ATAD2B: variants seen among roughly 807,000 people sequenced by gnomAD.
ATAD2B encodes the protein ATPase family AAA domain-containing protein 2B.
Under a neutral mutation model 167.6 loss-of-function variants are expected in ATAD2B, and 40 were observed. That is an observed-to-expected ratio of 0.24 (90% CI 0.19 to 0.31). The LOEUF is 0.31. Among genes scored for constraint, ATAD2B ranks in the 10% least tolerant of loss-of-function variants. The pLI, the probability that ATAD2B is intolerant of heterozygous loss-of-function variation, is 1.00. For synonymous variants in ATAD2B, 579 were observed against 596.5 expected (o/e 0.97, Z 0.43); for missense variants, 1,242 against 1,757.2 (o/e 0.71, Z 5.24).
In ATAD2B at chr2:23,861,455, C is replaced by A. The variant is rs113677398; in HGVS notation, c.1479+1926G>T. Among the ~76,000 whole-genome samples, 241 of 146,484 alleles carry A rather than the reference C, an allele frequency of 1.6e-3. 2 individuals are homozygous for A. The highest frequency in any genetic ancestry group is 5.8e-3 in the African/African-American group (232 of 39,828). ...TTTAGTGCATAGACCATATCCTTAA[C>A]TTAGGAATGCAGAATCTTTCATTAA... On this transcript the variant is annotated intron_variant, in intron 12 of 27. Coordinates refer to ENST00000238789, the MANE Select transcript of ATAD2B (RefSeq NM_017552.4).
At chr2:23,875,276 G>C (rs1399799457) in intron 8 of ATAD2B, among the ~76,000 whole-genome samples, 3 of 151,868 alleles carry the variant, frequency 2.0e-5, no homozygotes, top group Admixed American at 2.0e-4. Context: ...CCAAGGCAGG[G>C]GGTTCACAAG....
At position 23,783,059 on chromosome 2, in the gene ATAD2B, C is replaced by T. The variant is rs756515574; in HGVS notation, c.2974-31G>A. ...ACAGATATTTTAATAAAAATTACTT[C>T]CAGTTTTTCACATCATCTCAGTTCA... On this transcript the variant is annotated intron_variant, in intron 21 of 27. Transcript: ENST00000238789. 9 of 1,268,756 alleles carry T rather than the reference C, an allele frequency of 7.1e-6. No individual in the cohort carries two copies. The South Asian group carries it at 1.5e-4, about 22-fold the overall frequency. The allele number at this position is 1,268,756 out of a possible 1,614,324, so 78.6% of individuals were successfully genotyped here.
chr2:23,706,740 G>A, the ATAD2B span: 14 of 1,117,056 alleles, frequency 1.3e-5, 1 homozygote, highest in South Asian at 5.7e-5. Flanking sequence ...ATTTTCCAGC[G>A]ACACCAACAA....
In ATAD2B at chr2:23,865,437, G is replaced by T. The variant is rs937750222; in HGVS notation, c.1189-513C>A. Among the ~76,000 whole-genome samples the T allele has an allele frequency of 2.0e-5, 3 of 151,610 alleles. No individual in the cohort carries two copies. In the East Asian group the frequency reaches 5.8e-4, roughly 29 times the overall value. On this transcript the variant is annotated intron_variant, in intron 10 of 27. Transcript: ENST00000238789. ...CCAGCTACTTGGGAGGCTGAGGCAGGAGAATAGCTTGATCCTGGGAGGCGG... is the reference window on the plus strand; with the variant it reads ...CCAGCTACTTGGGAGGCTGAGGCAGTAGAATAGCTTGATCCTGGGAGGCGG...
chr2:23,758,150 C>A (rs1372424266), intron 24 of ATAD2B, 49 bp from the exon 25 acceptor site: 1 of 1,383,666 alleles, frequency 7.2e-7, no homozygotes, highest in Non-Finnish European at 9.7e-7. Flanking sequence ...GAATGCAATA[C>A]CAATTTTACA....
At chr2:23,717,275 G>A in the ATAD2B span, among the ~76,000 whole-genome samples, 1 of 152,138 alleles carries the variant, frequency 6.6e-6, no homozygotes, top group Non-Finnish European at 1.5e-5. Flanking sequence ...GGAATGCACA[G>A]GGGCCATGCT....
chr2:23,871,978 C>T (rs1573158195), intron 8 of ATAD2B, among the ~76,000 whole-genome samples: 2 of 152,010 alleles, frequency 1.3e-5, no homozygotes, highest in African/African-American at 2.4e-5. Flanking sequence ...CCTGGGTTCA[C>T]GCGATTCTCC....
At chr2:23,869,515 T>C in intron 9 of ATAD2B, 148 bp downstream of exon 9, 2 of 614,400 alleles carry the variant, frequency 3.3e-6, no homozygotes, top group Non-Finnish European at 5.7e-6. Context: ...AGATTTTTAT[T>C]GAAAGAAAAG....
At chr2:23,736,724 C>T in the ATAD2B span, among the ~76,000 whole-genome samples, 7 of 152,060 alleles carry the variant, frequency 4.6e-5, no homozygotes, top group African/African-American at 9.7e-5. Context: ...CTACCGTGCG[C>T]GAGCCGAAGC....
chr2:23,882,824 CA>C (rs201054446), intron 6 of ATAD2B, among the ~76,000 whole-genome samples: 3,941 of 113,354 alleles, frequency 0.035, 64 homozygotes, highest in Middle Eastern at 0.12. Flanking sequence ...ACAACAACAA[CA>C]AAAAAAAAAA....
intron 16 of ATAD2B, among the ~76,000 whole-genome samples, chr2:23,821,896 C>T (rs2149643442): frequency 6.6e-6 from 1 of 152,186 alleles, no homozygotes; most frequent in East Asian, 1.9e-4. Context: ...TCAGGTGATC[C>T]ACCCGCCTTG....
chr2:23,913,798 C>T (rs1702640159), intron 1 of ATAD2B, among the ~76,000 whole-genome samples: 1 of 152,048 alleles, frequency 6.6e-6, no homozygotes, highest in African/African-American at 2.4e-5. Flanking sequence ...TAACTCAAAA[C>T]CATAGTATGA....
chr2:23,798,366 T>C (rs1358541245), intron 18 of ATAD2B, 43 bp from the exon 19 acceptor site: 9 of 1,435,302 alleles, frequency 6.3e-6, no homozygotes, highest in Non-Finnish European at 8.6e-6. Context: ...TCAAATTGAT[T>C]ATTCTAAAGT....
At chr2:23,852,336 G>C (rs1476251814) in intron 13 of ATAD2B, among the ~76,000 whole-genome samples, 1 of 151,762 alleles carries the variant, frequency 6.6e-6, no homozygotes, top group Non-Finnish European at 1.5e-5. Flanking sequence ...TGTTGCCCAG[G>C]CTGCTCTTGC....
chr2:23,808,115 A>ATATAATTATATATATAAGTAATTATATC, intron 18 of ATAD2B, among the ~76,000 whole-genome samples: 1 of 120,678 alleles, frequency 8.3e-6, no homozygotes, highest in Admixed American at 9.0e-5. Context: ...GTAATTATAT[A>ATATAATTATATATATAAGTAATTATATC]TATAATTATT....
intron 17 of ATAD2B, chr2:23,811,600 G>A (rs1471582824): frequency 6.6e-6 from 1 of 152,180 alleles, no homozygotes; most frequent in African/African-American, 2.4e-5. Context: ...CCTGTCCGGG[G>A]GTGGGAGGCC....
chr2:23,795,922 T>C (rs1211680135), intron 19 of ATAD2B, among the ~76,000 whole-genome samples: 3 of 151,450 alleles, frequency 2.0e-5, no homozygotes, highest in East Asian at 1.9e-4. Flanking sequence ...AGCATTCTAA[T>C]GGTAGACCTG....
intron 13 of ATAD2B, among the ~76,000 whole-genome samples, chr2:23,849,805 C>T (rs921554742): frequency 4.6e-5 from 7 of 151,894 alleles, no homozygotes; most frequent in South Asian, 2.1e-4. Context: ...CCAGCCTGGG[C>T]GACAGAGTGA....
the ATAD2B span, among the ~76,000 whole-genome samples, chr2:23,680,465 G>A: frequency 6.6e-6 from 1 of 152,182 alleles, no homozygotes; most frequent in Admixed American, 6.5e-5. This position sits in a 1 kb window ranked among gnomAD's most constrained non-coding sequence, Gnocchi z 4.1. Flanking sequence ...GACGTAGGCG[G>A]GCATCCCGCT....
Sources: allele counts gnomAD v4.1 joint callset (sites outside exome capture counted in the v4.1 genomes callset), GRCh38; gene constraint gnomAD v4.1.1; non-coding constraint Gnocchi (gnomAD v3.1); transcripts MANE v1.5; gene names NCBI Gene and HGNC (gene_info 2026-07-23, HGNC 2026-07-21).